The following COMMD1 variants were observed in gnomAD, a reference collection of about 807,000 sequenced individuals.
The protein encoded by COMMD1 is copper metabolism domain containing 1.
COMMD1 carries 10 observed loss-of-function variants against 17.2 expected under a neutral mutation model. That is an observed-to-expected ratio of 0.58 (90% confidence interval 0.36 to 0.99). COMMD1 has a LOEUF of 0.99. Among genes scored for constraint, COMMD1 ranks in the 50% least tolerant of loss-of-function variants. The pLI, the probability that COMMD1 is intolerant of heterozygous loss-of-function variation, is 0.01. For missense variants in COMMD1, 270 were observed against 231.8 expected, an observed-to-expected ratio of 1.17 and a Z score of -1.07; for synonymous variants, 97 against 91.6, an observed-to-expected ratio of 1.06 and a Z score of -0.34.
At chr2:62,122,315 T>C (rs932336284) in intron 2 of COMMD1, among the ~76,000 whole-genome samples, 2 of 152,238 alleles carry the variant, frequency 1.3e-5, no homozygotes, top group African/African-American at 4.8e-5. Context: ...TGTTTACCAG[T>C]TGGGTTTGAA....
chr2:61,890,534 A>C (rs1669402953), intron 1 of COMMD1, among the ~76,000 whole-genome samples: 1 of 152,062 alleles, frequency 6.6e-6, no homozygotes, highest in Non-Finnish European at 1.5e-5. Context: ...GTTCTTTAAC[A>C]CACATTTAGC....
chr2:61,998,246 CTT>C (rs71410912), intron 1 of COMMD1, among the ~76,000 whole-genome samples: 13 of 126,452 alleles, frequency 1.0e-4, no homozygotes, highest in Non-Finnish European at 1.0e-4. Context: ...GTTGTGCTTT[CTT>C]TTTTTTTTTT....
At chr2:61,984,206 A>G (rs1309116859) in intron 1 of COMMD1, among the ~76,000 whole-genome samples, 1 of 152,062 alleles carries the variant, frequency 6.6e-6, no homozygotes, top group East Asian at 1.9e-4. Context: ...TTGTGTTTTT[A>G]GTAGAGATGG....
At chr2:62,108,131 A>G (rs986287576) in intron 2 of COMMD1, among the ~76,000 whole-genome samples, 8 of 152,154 alleles carry the variant, frequency 5.3e-5, no homozygotes, top group East Asian at 3.9e-4. Context: ...TTACTTCCCT[A>G]TATCAGAATG....
chr2:61,978,009 A>G (rs896762227), intron 1 of COMMD1, among the ~76,000 whole-genome samples: 1 of 151,396 alleles, frequency 6.6e-6, no homozygotes, highest in African/African-American at 2.4e-5. Context: ...AAAAGTTGAC[A>G]TTGAGCCAGG....
Position 62,069,305 on chromosome 2 carries a change from G to A in COMMD1, c.463-66526G>A, listed in dbSNP as rs537272985. 4.6e-5 allele frequency: 7 copies of A among 152,220 alleles called. 1 individual carries two copies. Among genetic ancestry groups the A allele is most frequent in the Middle Eastern group, 3.4e-3 (1 of 294 alleles). The allele number at this position is 152,220 out of a possible 1,614,324, so 9.4% of individuals were successfully genotyped here. A position where few individuals can be genotyped will look rare whatever the true frequency, so the allele number is the denominator to read the frequency against. ...AGCCACCATGCCTGGTCAACATCAA[G>A]TTTTAACATGATGTTAATTCTATGT... On this transcript the variant is annotated intron_variant, in intron 2 of 2. Transcript: ENST00000311832.
At chr2:61,913,987 T>G (rs1054672098) in intron 1 of COMMD1, among the ~76,000 whole-genome samples, 2 of 151,930 alleles carry the variant, frequency 1.3e-5, no homozygotes, top group Non-Finnish European at 2.9e-5. Context: ...CTGGCCAACA[T>G]GGGGAAACCC....
chr2:61,953,658 C>G (rs2103674158), intron 1 of COMMD1, among the ~76,000 whole-genome samples: 1 of 152,292 alleles, frequency 6.6e-6, no homozygotes, highest in Admixed American at 6.5e-5. Context: ...GTGTGAGCCA[C>G]TGTGCCTGGC....
At chr2:62,110,946 A>C (rs2104044672) in intron 2 of COMMD1, among the ~76,000 whole-genome samples, 1 of 152,294 alleles carries the variant, frequency 6.6e-6, no homozygotes, top group African/African-American at 2.4e-5. Context: ...CTGAAACAAA[A>C]AAAGAGTGGG....
At chr2:62,074,651 A>G (rs551884205) in intron 2 of COMMD1, among the ~76,000 whole-genome samples, 5 of 152,254 alleles carry the variant, frequency 3.3e-5, no homozygotes, top group African/African-American at 7.2e-5. Flanking sequence ...TGTCTTCTCT[A>G]TCTTGTCTAT....
At position 61,971,913 on chromosome 2, in the gene COMMD1, G is replaced by T. The variant is rs140690997; in HGVS notation, c.181-28788G>T. ...AGCAGGGAGGATTGCTTGAGTCCAG[G>T]AGTTCGAGACCAGCCTTGGCAATAT... On this transcript the variant is annotated intron_variant, in intron 1 of 2. Coordinates refer to ENST00000311832, the MANE Select transcript of COMMD1 (RefSeq NM_152516.4). Among the ~76,000 whole-genome samples the T allele has an allele frequency of 2.1e-3, 323 of 152,162 alleles. 2 individuals are homozygous for T. Among genetic ancestry groups the T allele is most frequent in the African/African-American group, 7.0e-3 (291 of 41,520 alleles).
intron 2 of COMMD1, among the ~76,000 whole-genome samples, chr2:62,032,766 C>A (rs1456622835): frequency 1.3e-5 from 2 of 151,678 alleles, no homozygotes; most frequent in Non-Finnish European, 2.9e-5. Context: ...TCCTTCCTTC[C>A]TTCATTCATT....
intron 2 of COMMD1, among the ~76,000 whole-genome samples, chr2:62,104,304 C>A (rs1672263324): frequency 6.6e-6 from 1 of 151,698 alleles, no homozygotes. Flanking sequence ...TGAGCCTGGG[C>A]AACATAGTGA....
At chr2:61,953,371 C>G (rs1315947491) in intron 1 of COMMD1, among the ~76,000 whole-genome samples, 3 of 127,112 alleles carry the variant, frequency 2.4e-5, no homozygotes, top group African/African-American at 8.7e-5. Context: ...TTTTTCTTTT[C>G]TTTTTTTTTT....
At chr2:62,127,021 A>C (rs1236140900) in intron 2 of COMMD1, among the ~76,000 whole-genome samples, 6 of 152,224 alleles carry the variant, frequency 3.9e-5, no homozygotes, top group Non-Finnish European at 8.8e-5. Context: ...AAGCAACTTC[A>C]GCAAAGTCTC....
rs569223914 is a variant in COMMD1 at position 62,109,642 on chromosome 2, G to A, written c.463-26189G>A. On this transcript the variant is annotated intron_variant, in intron 2 of 2. Coordinates refer to ENST00000311832, the MANE Select transcript of COMMD1 (RefSeq NM_152516.4). ...ATTGGAAGTAGATCCTATAACTTCA[G>A]TCTTCTGATTTGTGGTCTTGTGCTT... 5.9e-5 allele frequency among the ~76,000 whole-genome samples: 9 copies of A among 152,296 alleles called. No individual in the cohort carries two copies. The South Asian group carries it at 1.9e-3, about 32-fold the overall frequency.
intron 2 of COMMD1, among the ~76,000 whole-genome samples, chr2:62,041,187 AAT>A (rs1670184613): frequency 6.6e-6 from 1 of 152,204 alleles, no homozygotes; most frequent in Non-Finnish European, 1.5e-5. Context: ...TCTAACATAT[AAT>A]ATGTTTCAGA....
At chr2:62,107,288 C>G (rs1474539915) in intron 2 of COMMD1, among the ~76,000 whole-genome samples, 1 of 152,162 alleles carries the variant, frequency 6.6e-6, no homozygotes, top group African/African-American at 2.4e-5. Context: ...TGGTGAGGGT[C>G]ACTAGCTCTA....
intron 1 of COMMD1, among the ~76,000 whole-genome samples, chr2:61,934,272 G>C (rs975659927): frequency 3.9e-5 from 6 of 152,212 alleles, no homozygotes; most frequent in Middle Eastern, 3.4e-3. Context: ...AGGGCCATGG[G>C]GATGGTTTTT....
Sources: gnomAD v4.1 joint callset for allele counts (sites outside exome capture counted in the v4.1 genomes callset) on GRCh38, gnomAD v4.1.1 for gene constraint, MANE v1.5 for transcripts, NCBI Gene and HGNC (gene_info 2026-07-23, HGNC 2026-07-21) for gene names.